Variants in CCDC30 observed in about 807,000 individuals in gnomAD.
CCDC30 encodes the protein coiled-coil domain-containing protein 30.
A neutral mutation model predicts 100.2 loss-of-function variants in CCDC30; 70 were observed. That is an observed-to-expected ratio of 0.70 (90% CI 0.58 to 0.85). The LOEUF (loss-of-function observed/expected upper bound fraction) is 0.85, where lower values mean the gene tolerates loss of function less well. Ranked by LOEUF, CCDC30 falls within the 40% of genes least tolerant of loss-of-function variation. The pLI is 0.00. For missense variants in CCDC30, 652 were observed against 771.2 expected, an observed-to-expected ratio of 0.85 and a Z score of 1.83; for synonymous variants, 233 against 269.5, an observed-to-expected ratio of 0.86 and a Z score of 1.33.
At chr1:42,606,530 G>A (rs1383385870) in intron 10 of CCDC30, among the ~76,000 whole-genome samples, 2 of 152,114 alleles carry the variant, frequency 1.3e-5, no homozygotes, top group Non-Finnish European at 2.9e-5. Context: ...CACCCGCCTC[G>A]GCCTGCAGCG....
intron 1 of CCDC30, chr1:42,473,064 C>T (rs910775989): frequency 4.1e-6 from 5 of 1,218,058 alleles, no homozygotes; most frequent in Non-Finnish European, 4.1e-6. Flanking sequence ...AGATATCTTG[C>T]ATCCTCAGTT....
chr1:42,655,835 C>T (rs567393136), downstream of CCDC30, among the ~76,000 whole-genome samples: 4 of 148,170 alleles, frequency 2.7e-5, 1 homozygote, highest in African/African-American at 9.9e-5. Flanking sequence ...ATAAATTAAA[C>T]GTTCTCTTGT....
intron 10 of CCDC30, among the ~76,000 whole-genome samples, chr1:42,607,568 A>G (rs1646526514): frequency 6.6e-6 from 1 of 151,904 alleles, no homozygotes; most frequent in Non-Finnish European, 1.5e-5. Context: ...AAAAAAAAAA[A>G]AAAAAGAAAG....
intron 6 of CCDC30, among the ~76,000 whole-genome samples, chr1:42,531,071 A>G (rs886455123): frequency 7.9e-5 from 12 of 152,198 alleles, no homozygotes; most frequent in African/African-American, 2.9e-4. Context: ...ATGTTGGAGG[A>G]GTGGCCTGGT....
intron 11 of CCDC30, among the ~76,000 whole-genome samples, chr1:42,616,002 G>A (rs1447809400): frequency 2.0e-5 from 3 of 151,608 alleles, no homozygotes; most frequent in East Asian, 1.9e-4. Context: ...TGCAACCTCC[G>A]CCTTCTGGGT....
intron 10 of CCDC30, chr1:42,590,318 T>C (rs1570168613): frequency 6.6e-6 from 1 of 152,180 alleles, no homozygotes; most frequent in Non-Finnish European, 1.5e-5. Flanking sequence ...TTTATAGCAG[T>C]GCAAGAACAG....
intron 6 of CCDC30, among the ~76,000 whole-genome samples, chr1:42,509,113 C>A (rs12142430): frequency 0.22 from 34,076 of 152,028 alleles, 4,911 homozygotes; most frequent in Non-Finnish European, 0.31. Context: ...GCTTTTGAAA[C>A]CTTCATTGCA....
chr1:42,604,738 G>A (rs1646470888), intron 10 of CCDC30, among the ~76,000 whole-genome samples: 1 of 152,126 alleles, frequency 6.6e-6, no homozygotes, highest in African/African-American at 2.4e-5. Flanking sequence ...GTCCTCTTAG[G>A]GGAATGTTTG....
At chr1:42,509,596 G>C (rs1644446336) in intron 6 of CCDC30, among the ~76,000 whole-genome samples, 1 of 152,146 alleles carries the variant, frequency 6.6e-6, no homozygotes, top group Non-Finnish European at 1.5e-5. Flanking sequence ...CATAAAACAA[G>C]AAGAGGCCTG....
At chr1:42,605,669 T>C (rs1431536744) in intron 10 of CCDC30, among the ~76,000 whole-genome samples, 2 of 152,048 alleles carry the variant, frequency 1.3e-5, no homozygotes, top group African/African-American at 4.8e-5. Flanking sequence ...TTATTGCATG[T>C]AGAGACAGAG....
intron 12 of CCDC30, 22 bp downstream of exon 16, chr1:42,637,400 A>G (rs1329495371): frequency 1.2e-6 from 2 of 1,600,970 alleles, no homozygotes; most frequent in Non-Finnish European, 1.7e-6. Flanking sequence ...ATAAAAGGTG[A>G]AGAGCTCACT....
At chr1:42,483,085 A>G (rs968631685) in intron 3 of CCDC30, 5 of 263,290 alleles carry the variant, frequency 1.9e-5, no homozygotes, top group African/African-American at 8.8e-5. Context: ...CCTTCTTTCT[A>G]TCTCTACATC....
At chr1:42,511,689 A>G (rs966639128) in intron 6 of CCDC30, among the ~76,000 whole-genome samples, 2 of 152,096 alleles carry the variant, frequency 1.3e-5, no homozygotes, top group African/African-American at 4.8e-5. Context: ...TTTTTAGTAT[A>G]TTGGTGCAAA....
At chr1:42,584,126 A>C (rs1449562595) in intron 9 of CCDC30, among the ~76,000 whole-genome samples, 1 of 152,216 alleles carries the variant, frequency 6.6e-6, no homozygotes, top group Non-Finnish European at 1.5e-5. Context: ...TCCACCTGGA[A>C]AAAACAAAAT....
chr1:42,518,643 T>C (rs1371658685), intron 6 of CCDC30, among the ~76,000 whole-genome samples: 1 of 152,244 alleles, frequency 6.6e-6, no homozygotes, highest in Non-Finnish European at 1.5e-5. Flanking sequence ...TCTAGGTTTG[T>C]GTAAGTACAT....
At position 42,502,284 on chromosome 1, in the gene CCDC30, G is replaced by A. The variant is rs529368710; in HGVS notation, c.456+3368G>A. 7.2e-5 allele frequency among the ~76,000 whole-genome samples: 11 copies of A among 152,324 alleles called. No individual in the cohort carries two copies. In the East Asian group the frequency reaches 2.1e-3, roughly 29 times the overall value. On this transcript the variant is annotated intron_variant, in intron 6 of 16. Coordinates refer to ENST00000668663, the Ensembl canonical transcript of CCDC30. ...GCGTGGGACCCTCCGAGCCATGCGTGGGATATAATCTCCTGGTGTGCCATT... is the reference window on the plus strand; with the variant it reads ...GCGTGGGACCCTCCGAGCCATGCGTAGGATATAATCTCCTGGTGTGCCATT...
rs562586734 is a variant in CCDC30, at chr1:42,572,072, T to C, written c.637-4948T>C. 1.3e-4 allele frequency among the ~76,000 whole-genome samples: 20 copies of C among 152,134 alleles called. No individual in the cohort carries two copies. The South Asian group carries it at 3.9e-3, about 30-fold the overall frequency. ...CATTCCTCTAGGAAGAGATTGGGAG[T>C]GGAATTATTTTATCATAGAATATGT... On this transcript the variant is annotated intron_variant, in intron 7 of 16. Coordinates refer to ENST00000668663, the Ensembl canonical transcript of CCDC30.
intron 4 of CCDC30, among the ~76,000 whole-genome samples, chr1:42,491,122 A>G (rs1002529440): frequency 3.9e-5 from 6 of 152,266 alleles, no homozygotes; most frequent in African/African-American, 1.4e-4. Context: ...TATGAATAGA[A>G]TTATAAAATG....
chr1:42,497,494 G>A (rs1569814082), intron 5 of CCDC30, among the ~76,000 whole-genome samples: 1 of 151,982 alleles, frequency 6.6e-6, no homozygotes, highest in Non-Finnish European at 1.5e-5. Flanking sequence ...TAGTTAACAC[G>A]TTCACCACAT....
Sources: gnomAD v4.1 joint callset for allele counts (sites outside exome capture counted in the v4.1 genomes callset) on GRCh38, gnomAD v4.1.1 for gene constraint, MANE v1.5 for transcripts, NCBI Gene and HGNC (gene_info 2026-07-23, HGNC 2026-07-21) for gene names.